ZMAT1: variants seen among roughly 807,000 people sequenced by gnomAD.
ZMAT1 encodes the protein zinc finger matrin-type protein 1.
In ZMAT1, 11 loss-of-function variants were observed where a neutral mutation model predicts 18.5. That is an observed-to-expected ratio of 0.59 (90% CI 0.37 to 0.98). The LOEUF is 0.98. Among genes scored for constraint, ZMAT1 ranks in the 50% least tolerant of loss-of-function variants. ZMAT1 has a pLI of 0.01. For missense variants in ZMAT1, 525 were observed against 496.2 expected, an observed-to-expected ratio of 1.06 and a Z score of -0.55; for synonymous variants, 211 against 176.4, an observed-to-expected ratio of 1.20 and a Z score of -1.55.
chrX:101,920,619 G>T (rs1421971338), intron 1 of ZMAT1, among the ~76,000 whole-genome samples: 2 of 111,994 alleles, frequency 1.8e-5, no homozygotes, highest in East Asian at 2.8e-4. Flanking sequence ...GGAAAAAAAA[G>T]AAAAATTAAA....
At chrX:101,919,439 G>A (rs1198710005) in intron 1 of ZMAT1, among the ~76,000 whole-genome samples, 1 of 112,086 alleles carries the variant, frequency 8.9e-6, no homozygotes, top group Non-Finnish European at 1.9e-5. Flanking sequence ...TTTGGGTTTA[G>A]CTGGAACTTA....
At chrX:101,926,081 T>C (rs1016624696) in intron 1 of ZMAT1, among the ~76,000 whole-genome samples, 1 of 112,146 alleles carries the variant, frequency 8.9e-6, no homozygotes, top group African/African-American at 3.2e-5. Flanking sequence ...TAAAACATGA[T>C]TCTAGACTCA....
chrX:101,884,216 T>C lies in ZMAT1; in HGVS notation c.1382A>G (p.Lys461Arg). Residue 461 changes from lysine (K) to arginine (R), a missense_variant, in exon 6 of 6, where the codon AAA (lysine) becomes AGA (arginine). Physicochemically the swap from Lys to Arg is conservative, Grantham distance 26 (BLOSUM62 2). Transcript: ENST00000651725. ...AGTTTTTGGCTCTAGTCCTCTGGCT[T>C]TCTGCACTTTTATGTAATCTTCAAG... is the stretch of plus-strand genomic sequence containing the variant. ...DELEDYIKVQ[K>R]ARGLEPKTCF... is the part of the protein sequence containing the mutation. 8.3e-7 allele frequency: 1 copy of C among 1,211,377 alleles called. No individual in the cohort carries two copies. Among genetic ancestry groups the C allele is most frequent in the Non-Finnish European group, 1.1e-6 (1 of 895,251 alleles).
At chrX:101,901,067 G>A (rs1928193792) in intron 2 of ZMAT1, among the ~76,000 whole-genome samples, 1 of 110,716 alleles carries the variant, frequency 9.0e-6, no homozygotes, top group South Asian at 3.8e-4. Context: ...TTTCTTTGCA[G>A]CTATTGTAAA....
intron 4 of ZMAT1, among the ~76,000 whole-genome samples, chrX:101,895,624 C>A (rs778332885): frequency 9.1e-6 from 1 of 109,749 alleles, no homozygotes; most frequent in African/African-American, 3.3e-5. Context: ...GAAGAGATTT[C>A]TCTCTTATTT....
At chrX:101,908,780 A>T (rs1448215737) in intron 1 of ZMAT1, among the ~76,000 whole-genome samples, 1 of 111,603 alleles carries the variant, frequency 9.0e-6, no homozygotes, top group African/African-American at 3.3e-5. Context: ...CTTACCTCTG[A>T]GGGCCAAAGT....
At chrX:101,888,559 A>G (rs1927132892) in intron 4 of ZMAT1, 1 of 111,555 alleles carries the variant, frequency 9.0e-6, no homozygotes, top group South Asian at 3.7e-4. Context: ...AGGCACCCTT[A>G]CTTTTTGAAA....
chrX:101,895,137 G>T (rs757052452), intron 4 of ZMAT1, among the ~76,000 whole-genome samples: 1 of 111,299 alleles, frequency 9.0e-6, no homozygotes, highest in African/African-American at 3.3e-5. Flanking sequence ...ACAAAAATGC[G>T]CCTGTCGGCT....
intron 4 of ZMAT1, among the ~76,000 whole-genome samples, chrX:101,894,266 G>C (rs1344101727): frequency 9.0e-6 from 1 of 111,425 alleles, no homozygotes; most frequent in African/African-American, 3.3e-5. Flanking sequence ...TGATGCCAAT[G>C]GTGTTGATCC....
At position 101,904,236 on chromosome X, in the gene ZMAT1, A is replaced by C. The variant is rs1261464283; in HGVS notation, c.387T>G (p.Ile129Met). The C allele has an allele frequency of 8.3e-7, 1 of 1,198,516 alleles. No individual in the cohort carries two copies. The highest frequency in any genetic ancestry group is 2.3e-5 in the Admixed American group (1 of 44,270). ...ATTTTTAACCTACCTCATAATGTGA[A>C]ATTCTTTGTGATTCAAACTGTAGCA... Reference protein sequence around the residue: ...GVMLQFESQRISHYEGEKHAQ... With the variant: ...GVMLQFESQRMSHYEGEKHAQ... Residue 129 changes from isoleucine (I) to methionine (M), a missense_variant, in exon 2 of 6, where the codon ATT becomes ATG. By Grantham distance (10) the Ile-to-Met change is conservative. Transcript: ENST00000651725.
intron 1 of ZMAT1, among the ~76,000 whole-genome samples, chrX:101,931,084 A>G (rs1484295271): frequency 9.0e-6 from 1 of 111,643 alleles, no homozygotes; most frequent in East Asian, 2.8e-4. Context: ...TTTCCCTAGT[A>G]GAGTCCCCTC....
At chrX:101,922,608 G>C (rs1345478750) in intron 1 of ZMAT1, among the ~76,000 whole-genome samples, 1 of 111,048 alleles carries the variant, frequency 9.0e-6, no homozygotes, top group Non-Finnish European at 1.9e-5. Flanking sequence ...GGCCAGGCTG[G>C]TCTTAAACTT....
chrX:101,924,058 T>A (rs1451357458), intron 1 of ZMAT1, among the ~76,000 whole-genome samples: 1 of 112,011 alleles, frequency 8.9e-6, no homozygotes, highest in Admixed American at 9.5e-5. Context: ...CCTGGTACAT[T>A]TGAATTTTTT....
At chrX:101,898,407 A>C (rs1927982787) in intron 2 of ZMAT1, among the ~76,000 whole-genome samples, 187 bp from the exon 3 acceptor site, 1 of 111,994 alleles carries the variant, frequency 8.9e-6, no homozygotes. Context: ...AGAAGCCAAT[A>C]ACTTTTAGAT....
Position 101,889,682 on chromosome X carries a change from A to C in ZMAT1, c.677-2951T>G, listed in dbSNP as rs1286562997. 7 of 111,861 alleles carry C rather than the reference A, an allele frequency of 6.3e-5. No individual in the cohort carries two copies. The East Asian group carries it at 2.0e-3, about 32-fold the overall frequency. 9.2% of individuals were successfully genotyped at this position (111,861 alleles called of 1,213,427 possible). A position where few individuals can be genotyped will look rare whatever the true frequency, so the allele number is the denominator to read the frequency against. On this transcript the variant is annotated intron_variant, in intron 4 of 5. Transcript: ENST00000651725. Reference sequence around the variant, plus strand: ...ACATGATTCTAATTAGTCAAGGCTGAGAACCACTGGTCTAACATCTTAAAC... The same window carrying C: ...ACATGATTCTAATTAGTCAAGGCTGCGAACCACTGGTCTAACATCTTAAAC...
At chrX:101,900,941 G>A (rs1165663290) in intron 2 of ZMAT1, among the ~76,000 whole-genome samples, 2 of 112,045 alleles carry the variant, frequency 1.8e-5, no homozygotes, top group Non-Finnish European at 1.9e-5. Flanking sequence ...ACCCATCCAT[G>A]AGCATGGAAT....
At chrX:101,907,327 G>T (rs1246045967) in intron 1 of ZMAT1, among the ~76,000 whole-genome samples, 1 of 111,954 alleles carries the variant, frequency 8.9e-6, no homozygotes, top group Non-Finnish European at 1.9e-5. Flanking sequence ...CCATCCCAGT[G>T]GATTCAGGCT....
intron 1 of ZMAT1, among the ~76,000 whole-genome samples, chrX:101,930,805 A>T (rs1027076429): frequency 2.7e-5 from 3 of 112,371 alleles, no homozygotes; most frequent in Non-Finnish European, 5.6e-5. Flanking sequence ...AACACATTTC[A>T]ATGGCAAATT....
intron 1 of ZMAT1, among the ~76,000 whole-genome samples, chrX:101,916,526 A>C (rs775638520): frequency 8.9e-6 from 1 of 112,150 alleles, no homozygotes; most frequent in Non-Finnish European, 1.9e-5. Flanking sequence ...CTGATGAATT[A>C]TATTGAAGAG....
Sources: gnomAD v4.1 joint callset for allele counts (sites outside exome capture counted in the v4.1 genomes callset) on GRCh38, gnomAD v4.1.1 for gene constraint, MANE v1.5 for transcripts, NCBI Gene and HGNC (gene_info 2026-07-23, HGNC 2026-07-21) for gene names.